NDE1: variants seen among roughly 807,000 people sequenced by gnomAD.
The protein encoded by NDE1 is nudE neurodevelopment protein 1.
In NDE1, 28 loss-of-function variants were observed where a neutral mutation model predicts 43.4. The observed-to-expected ratio is 0.65, with a 90% CI of 0.48 to 0.89. The LOEUF (loss-of-function observed/expected upper bound fraction) is 0.89, where lower values mean the gene tolerates loss of function less well. Among genes scored for constraint, NDE1 ranks in the 40% least tolerant of loss-of-function variants. The pLI, the probability that NDE1 is intolerant of heterozygous loss-of-function variation, is 0.00. For missense variants in NDE1, 441 were observed against 434.1 expected, an observed-to-expected ratio of 1.02 and a Z score of -0.14; for synonymous variants, 184 against 172.0, an observed-to-expected ratio of 1.07 and a Z score of -0.55.
At chr16:15,690,399 C>T (rs183986737) in intron 5 of NDE1, among the ~76,000 whole-genome samples, 12 of 108,486 alleles carry the variant, frequency 1.1e-4, no homozygotes, top group African/African-American at 4.0e-4. Context: ...AGGTCTCACT[C>T]TCGCCCAGGC....
intron 1 of NDE1, chr16:15,651,859 C>T (rs1055967999): frequency 2.6e-5 from 4 of 152,170 alleles, no homozygotes; most frequent in Non-Finnish European, 5.9e-5. Context: ...TGTTGGATAA[C>T]AGTTTATTAA....
intron 4 of NDE1, among the ~76,000 whole-genome samples, chr16:15,681,433 T>C (rs761407280): frequency 1.1e-4 from 16 of 151,444 alleles, no homozygotes; most frequent in Admixed American, 2.0e-4. Context: ...CCTGGCTAAT[T>C]TTTGTATTTT....
intron 1 of NDE1, among the ~76,000 whole-genome samples, chr16:15,656,435 G>A (rs1169503027): frequency 6.6e-6 from 1 of 152,030 alleles, no homozygotes; most frequent in Non-Finnish European, 1.5e-5. Context: ...ACCTCCTAAA[G>A]CATCTCAGAT....
intron 8 of NDE1, among the ~76,000 whole-genome samples, chr16:15,710,704 C>A (rs567322095): frequency 1.2e-4 from 18 of 150,804 alleles, no homozygotes; most frequent in African/African-American, 4.1e-4. Flanking sequence ...TTTTTGGAGA[C>A]AGAGTCTTGC....
At chr16:15,674,580 GTTCT>G (rs1445057911) in intron 3 of NDE1, among the ~76,000 whole-genome samples, 7 of 152,236 alleles carry the variant, frequency 4.6e-5, no homozygotes, top group South Asian at 2.1e-4. Flanking sequence ...AGATTGGAAT[GTTCT>G]TTCTGTCTCC....
At chr16:15,675,200 C>T (rs1049853310) in intron 3 of NDE1, among the ~76,000 whole-genome samples, 1 of 151,834 alleles carries the variant, frequency 6.6e-6, no homozygotes, top group Non-Finnish European at 1.5e-5. Context: ...CCGCCCCCTC[C>T]CAGTCCCCCA....
chr16:15,647,740 C>T (rs1260308964), upstream of NDE1, among the ~76,000 whole-genome samples: 3 of 152,068 alleles, frequency 2.0e-5, no homozygotes, highest in African/African-American at 7.2e-5. Flanking sequence ...GAAGAATGCT[C>T]ATAATGCCGG....
intron 1 of NDE1, among the ~76,000 whole-genome samples, chr16:15,664,265 G>A (rs912503620): frequency 2.6e-5 from 4 of 151,882 alleles, no homozygotes; most frequent in Non-Finnish European, 2.9e-5. Context: ...GTTAACCCAG[G>A]GAATATAACA....
chr16:15,710,083 C>T (rs2039693142), intron 8 of NDE1, among the ~76,000 whole-genome samples: 1 of 152,208 alleles, frequency 6.6e-6, no homozygotes, highest in Admixed American at 6.5e-5. Context: ...ATGCAGAAGG[C>T]AGGACAGACC....
intron 8 of NDE1, chr16:15,718,652 A>G: frequency 3.0e-6 from 2 of 658,950 alleles, no homozygotes; most frequent in Admixed American, 5.8e-5. Context: ...TGGGATTGGG[A>G]TGGGGACCAG....
At chr16:15,717,278 T>C in intron 8 of NDE1, 1 of 1,613,854 alleles carries the variant, frequency 6.2e-7, no homozygotes, top group Non-Finnish European at 8.5e-7. Flanking sequence ...CCGCTCGAGC[T>C]GCTGCCGGGC....
chr16:15,672,630 T>C (rs2037654070), intron 3 of NDE1: 2 of 152,208 alleles, frequency 1.3e-5, no homozygotes, highest in African/African-American at 4.8e-5. Flanking sequence ...GCTGACAGCT[T>C]ATTCGAATTA....
chr16:15,700,963 C>T (rs192773086), intron 8 of NDE1, among the ~76,000 whole-genome samples: 136 of 151,958 alleles, frequency 8.9e-4, no homozygotes, highest in African/African-American at 3.0e-3. Flanking sequence ...AGGCTGGGCG[C>T]GGTGGCTCAG....
At chr16:15,687,909 C>T (rs1030359753) in intron 5 of NDE1, among the ~76,000 whole-genome samples, 1 of 152,200 alleles carries the variant, frequency 6.6e-6, no homozygotes, top group South Asian at 2.1e-4. Flanking sequence ...AGATCTGGCA[C>T]AGTGGCTCAC....
intron 8 of NDE1, among the ~76,000 whole-genome samples, chr16:15,719,972 G>A (rs2040380773): frequency 6.6e-6 from 1 of 152,116 alleles, no homozygotes; most frequent in Admixed American, 6.5e-5. Context: ...TAATAATGCT[G>A]CCCTACCCAG....
At chr16:15,675,871 T>A (rs2037844633) in intron 3 of NDE1, among the ~76,000 whole-genome samples, 1 of 152,170 alleles carries the variant, frequency 6.6e-6, no homozygotes, top group Non-Finnish European at 1.5e-5. Flanking sequence ...AGGCTGGGGT[T>A]TGATCTTGGC....
chr16:15,718,461 G>A, intron 8 of NDE1: 1 of 1,543,398 alleles, frequency 6.5e-7, no homozygotes, highest in Non-Finnish European at 8.7e-7. Flanking sequence ...CGGCCATGGT[G>A]GGGGCCTCTA....
At chr16:15,687,336 G>T in intron 4 of NDE1, 39 bp from the exon 5 acceptor site, 1 of 1,613,814 alleles carries the variant, frequency 6.2e-7, no homozygotes, top group Non-Finnish European at 8.5e-7. Context: ...GGATGCTGCG[G>T]TTTGTCCTCT....
chr16:15,673,528 A>G (rs1308479026), intron 3 of NDE1, among the ~76,000 whole-genome samples: 1 of 149,712 alleles, frequency 6.7e-6, no homozygotes, highest in East Asian at 1.9e-4. Context: ...TGGTTTCGCC[A>G]TGTTGCCCCA....
Sources: allele counts gnomAD v4.1 joint callset (sites outside exome capture counted in the v4.1 genomes callset), GRCh38; gene constraint gnomAD v4.1.1; transcripts MANE v1.5; gene names NCBI Gene and HGNC (gene_info 2026-07-23, HGNC 2026-07-21).